AGAP1: variants seen among roughly 807,000 people sequenced by gnomAD.
AGAP1 encodes arf-GAP with GTPase, ANK repeat and PH domain-containing protein 1.
A neutral mutation model predicts 105.3 loss-of-function variants in AGAP1; 29 were observed. The ratio of observed to expected loss-of-function variants is 0.28; its 90% CI spans 0.21 to 0.38. The LOEUF is 0.38. AGAP1 is among the 10% of genes least tolerant of loss of function. The probability of loss-of-function intolerance (pLI) is 1.00; values close to 1 mark genes in which losing one functional copy is unlikely to be tolerated. For synonymous variants in AGAP1, 509 were observed against 485.9 expected (o/e 1.05, Z -0.63); for missense variants, 998 against 1,165.1 (o/e 0.86, Z 2.09).
intron 11 of AGAP1, among the ~76,000 whole-genome samples, chr2:235,910,452 C>T (rs2125052050): frequency 6.6e-6 from 1 of 152,306 alleles, no homozygotes; most frequent in South Asian, 2.1e-4. Flanking sequence ...CTATGACCTG[C>T]TGACCTTTCT....
chr2:235,778,183 C>A (rs1430880051), intron 6 of AGAP1, among the ~76,000 whole-genome samples: 1 of 152,216 alleles, frequency 6.6e-6, no homozygotes, highest in East Asian at 1.9e-4. Flanking sequence ...CTCCCTTCCT[C>A]CCTGTGGCTG....
chr2:236,075,327 T>A (rs2058607695), intron 16 of AGAP1, among the ~76,000 whole-genome samples: 1 of 152,124 alleles, frequency 6.6e-6, no homozygotes, highest in Non-Finnish European at 1.5e-5. Flanking sequence ...TATACCTTAA[T>A]ACAGCTGTTG....
chr2:235,498,719 GC>G (rs1941431730), intron 1 of AGAP1, among the ~76,000 whole-genome samples: 2 of 152,202 alleles, frequency 1.3e-5, no homozygotes, highest in South Asian at 2.1e-4. Context: ...CAGCCAGGCG[GC>G]CCGATTCCCA....
chr2:235,808,595 C>G (rs1054297340), intron 9 of AGAP1, among the ~76,000 whole-genome samples: 2 of 152,146 alleles, frequency 1.3e-5, no homozygotes, highest in African/African-American at 4.8e-5. Flanking sequence ...ACACCTCTGC[C>G]CACAGCGTAA....
At chr2:235,499,283 C>A (rs961029626) in intron 1 of AGAP1, among the ~76,000 whole-genome samples, 3 of 152,168 alleles carry the variant, frequency 2.0e-5, no homozygotes, top group Non-Finnish European at 4.4e-5. Context: ...CCCCAAAGAA[C>A]CTAAAGTATT....
At chr2:235,643,159 G>A (rs1947253662) in intron 1 of AGAP1, among the ~76,000 whole-genome samples, 1 of 152,132 alleles carries the variant, frequency 6.6e-6, no homozygotes, top group Non-Finnish European at 1.5e-5. Context: ...ATGGCCAGGT[G>A]CAGTGGCTCG....
rs1946003689 is a variant in AGAP1 at position 235,608,016 on chromosome 2, T to C, written c.164-101163T>C. 6.6e-6 allele frequency among the ~76,000 whole-genome samples: 1 copy of C among 152,204 alleles called. No individual in the cohort carries two copies. Among genetic ancestry groups the C allele is most frequent in the Admixed American group, 6.5e-5 (1 of 15,286 alleles). On this transcript the variant is annotated intron_variant, in intron 1 of 17. Coordinates refer to ENST00000304032, the MANE Select transcript of AGAP1 (RefSeq NM_001037131.3). The surrounding 1 kb of genome is among the most constrained non-coding windows in gnomAD (Gnocchi z 5.4). The stretch of plus-strand genomic sequence containing the variant: ...GAGCGAGTGCCTGCTGTCTCAGACA[T>C]GAGGTGGATGCTGAAGAGATTACCC...
Position 235,952,648 on chromosome 2 carries a change from A to G in AGAP1, c.1484-15814A>G, listed in dbSNP as rs557285706. On this transcript the variant is annotated intron_variant, in intron 12 of 17. Transcript: ENST00000304032. ...AAATATTCTGTTTTGTTCCACTACT[A>G]TTTCCCCAGGGCCTTAAACAGTGCC... Among the ~76,000 whole-genome samples the G allele has an allele frequency of 7.9e-5, 12 of 152,182 alleles. No homozygotes were observed. In the South Asian group the frequency reaches 2.1e-3, roughly 26 times the overall value.
In AGAP1 at chr2:235,931,178, GAAACT is replaced by G; in HGVS notation, c.1483+256_1483+260del. 6.6e-6 allele frequency among the ~76,000 whole-genome samples: 1 copy of G among 152,282 alleles called. No homozygotes were observed. Among genetic ancestry groups the G allele is most frequent in the Admixed American group, 6.5e-5 (1 of 15,300 alleles). ...GTAGTCATCCCATTTGGTCAGTTTG[GAAACT>G]GAGGCGGCAGACAGGGCAACTGGCT... On this transcript the variant is annotated intron_variant, in intron 12 of 17. Coordinates refer to ENST00000304032, the MANE Select transcript of AGAP1 (RefSeq NM_001037131.3). This position sits in a 1 kb window ranked among gnomAD's most constrained non-coding sequence, Gnocchi z 5.6.
chr2:235,755,690 C>T (rs1953869249), intron 6 of AGAP1, among the ~76,000 whole-genome samples: 1 of 152,222 alleles, frequency 6.6e-6, no homozygotes, highest in East Asian at 1.9e-4. Context: ...ATCCTCTGGC[C>T]TCGGCCTTCC....
At chr2:235,674,970 C>T (rs1008664004) in intron 1 of AGAP1, among the ~76,000 whole-genome samples, 7 of 151,738 alleles carry the variant, frequency 4.6e-5, no homozygotes, top group Admixed American at 1.3e-4. Flanking sequence ...GCCACCACAC[C>T]TGTGGTTTTT....
At chr2:235,704,969 CTTTTTT>C (rs969370505) in intron 1 of AGAP1, among the ~76,000 whole-genome samples, 3 of 59,694 alleles carry the variant, frequency 5.0e-5, no homozygotes, top group South Asian at 1.2e-3. Context: ...ATGCTTTTTT[CTTTTTT>C]TTTTTTTTTT....
At chr2:236,007,004 AG>A (rs1344672335) in intron 13 of AGAP1, among the ~76,000 whole-genome samples, 2 of 152,224 alleles carry the variant, frequency 1.3e-5, no homozygotes, top group Non-Finnish European at 2.9e-5. Flanking sequence ...ACTCATTGAC[AG>A]TAACCAAAGA....
intron 14 of AGAP1, among the ~76,000 whole-genome samples, chr2:236,037,979 AAGAG>A (rs1465018898): frequency 6.6e-6 from 1 of 152,240 alleles, no homozygotes; most frequent in Non-Finnish European, 1.5e-5. Flanking sequence ...TGTCACTAAA[AAGAG>A]AGTCTGTCTT....
At position 235,550,805 on chromosome 2, in the gene AGAP1, C is replaced by G. The variant is rs6717882; in HGVS notation, c.163+55956C>G. ...TCTTATTTTTTTTGAGATAGAGTCTCACTCTGTTGCCCAGGCTGGAGTGCA... is the reference window on the plus strand; with the variant it reads ...TCTTATTTTTTTTGAGATAGAGTCTGACTCTGTTGCCCAGGCTGGAGTGCA... On this transcript the variant is annotated intron_variant, in intron 1 of 17. Transcript: ENST00000304032. This position sits in a 1 kb window ranked among gnomAD's most constrained non-coding sequence, Gnocchi z 4.6. Among the ~76,000 whole-genome samples the G allele has an allele frequency of 0.057, 8,659 of 152,166 alleles. 756 individuals carry two copies. Among genetic ancestry groups the G allele is most frequent in the African/African-American group, 0.19 (7,909 of 41,468 alleles).
At position 236,055,506 on chromosome 2, in the gene AGAP1, G is replaced by A. The variant is rs2058026834; in HGVS notation, c.2114+6225G>A. ...TTGGCAGGAGCCCCCGAAAATGACA[G>A]TACCACTAATTGCAACTCAAAGTGA... On this transcript the variant is annotated intron_variant, in intron 16 of 17. Transcript: ENST00000304032. The surrounding 1 kb of genome is among the most constrained non-coding windows in gnomAD (Gnocchi z 6.2). 6.6e-6 allele frequency among the ~76,000 whole-genome samples: 1 copy of A among 152,230 alleles called. No individual in the cohort carries two copies. The highest frequency in any genetic ancestry group is 1.5e-5 in the Non-Finnish European group (1 of 68,042).
Position 236,102,111 on chromosome 2 carries a change from G to A in AGAP1, c.2115-18081G>A, listed in dbSNP as rs567532605. Among the ~76,000 whole-genome samples, 16 of 152,118 alleles carry A rather than the reference G, an allele frequency of 1.1e-4. No homozygotes were observed. The East Asian group carries it at 2.7e-3, about 26-fold the overall frequency. On this transcript the variant is annotated intron_variant, in intron 16 of 17. Transcript: ENST00000304032. ...AGCCTGGCCAACATGGTGAAACCCCGTCTCTACTAAAAATACAAAAATTAG... is the reference window on the plus strand; with the variant it reads ...AGCCTGGCCAACATGGTGAAACCCCATCTCTACTAAAAATACAAAAATTAG...
rs907994568 is a variant in AGAP1, at chr2:235,690,199, C to T, written c.164-18980C>T. Among the ~76,000 whole-genome samples, 5 of 152,030 alleles carry T rather than the reference C, an allele frequency of 3.3e-5. No homozygotes were observed. The highest frequency in any genetic ancestry group is 1.2e-4 in the African/African-American group (5 of 41,400). On this transcript the variant is annotated intron_variant, in intron 1 of 17. Coordinates refer to ENST00000304032, the MANE Select transcript of AGAP1 (RefSeq NM_001037131.3). The surrounding 1 kb of genome is among the most constrained non-coding windows in gnomAD (Gnocchi z 4.1). ...CTGCTTGGAGCCAGTCCAGTGGCTTCACTTTTACCACTCAGAGAACTTTAG... is the reference window on the plus strand; with the variant it reads ...CTGCTTGGAGCCAGTCCAGTGGCTTTACTTTTACCACTCAGAGAACTTTAG...
intron 9 of AGAP1, among the ~76,000 whole-genome samples, chr2:235,814,528 G>A (rs1299979237): frequency 6.6e-6 from 1 of 152,206 alleles, no homozygotes; most frequent in Non-Finnish European, 1.5e-5. Flanking sequence ...TGTGTGACAT[G>A]CCCTGGGTCC....
Sources: allele counts gnomAD v4.1 joint callset (sites outside exome capture counted in the v4.1 genomes callset), GRCh38; gene constraint gnomAD v4.1.1; non-coding constraint Gnocchi (gnomAD v3.1); transcripts MANE v1.5; gene names NCBI Gene and HGNC (gene_info 2026-07-23, HGNC 2026-07-21).